CCDC134: variants seen among roughly 807,000 people sequenced by gnomAD.
CCDC134 encodes the protein coiled-coil domain containing 134, also known as coiled-coil domain-containing protein 134.
In CCDC134, 27 loss-of-function variants were observed where a neutral mutation model predicts 25.6. The ratio of observed to expected loss-of-function variants is 1.05; its 90% CI spans 0.78 to 1.45. CCDC134 has a LOEUF of 1.45. CCDC134 is among the 40% of genes most tolerant of loss of function. The probability of loss-of-function intolerance (pLI) is 0.00; values close to 1 mark genes in which losing one functional copy is unlikely to be tolerated. For missense variants in CCDC134, 261 were observed against 286.7 expected (o/e 0.91, Z 0.65); for synonymous variants, 110 against 115.0 (o/e 0.96, Z 0.28).
At chr22:41,810,368 C>T (rs1320390395) in intron 4 of CCDC134, 77 bp downstream of exon 4, 1 of 1,389,604 alleles carries the variant, frequency 7.2e-7, no homozygotes, top group African/African-American at 1.4e-5. Context: ...CTGTTCTTGT[C>T]ACTCTTTTTT....
chr22:41,819,376 G>A (rs1377787704), intron 6 of CCDC134, among the ~76,000 whole-genome samples: 2 of 152,180 alleles, frequency 1.3e-5, no homozygotes, highest in East Asian at 1.9e-4. Context: ...TCTCTGAGGC[G>A]AGCCTGACCC....
chr22:41,825,634 C>T lies in CCDC134; in HGVS notation c.565-64C>T, dbSNP rs2076673168. 1.2e-6 allele frequency: 2 copies of T among 1,601,266 alleles called. No homozygotes were observed. The highest frequency in any genetic ancestry group is 2.2e-5 in the East Asian group (1 of 44,684). On this transcript the variant is annotated intron_variant, in intron 6 of 6. Transcript: ENST00000255784. This position sits in a 1 kb window ranked among gnomAD's most constrained non-coding sequence, Gnocchi z 4.4. ...TCCTATTCCCACACCCCGCTGGTGG[C>T]CTAGCTCAGAGCAGGCTCTTTGCTG...
chr22:41,819,600 CAACTT>C (rs888194426), intron 6 of CCDC134, among the ~76,000 whole-genome samples: 1 of 152,004 alleles, frequency 6.6e-6, no homozygotes, highest in Non-Finnish European at 1.5e-5. Context: ...GACAGGCAGT[CAACTT>C]AAAAATATAT....
intron 1 of CCDC134, among the ~76,000 whole-genome samples, chr22:41,806,214 A>ATTTTTTT (rs60425249): frequency 5.0e-5 from 6 of 121,002 alleles, no homozygotes; most frequent in East Asian, 5.1e-4. Flanking sequence ...TAGGCGACTA[A>ATTTTTTT]TTTTTTTTTT....
Position 41,830,315 on chromosome 22 carries a change from C to T in CCDC134, c.*4492C>T, listed in dbSNP as rs73163368. Among the ~76,000 whole-genome samples the T allele has an allele frequency of 9.6e-3, 1,464 of 152,330 alleles. 33 individuals are homozygous for T. The highest frequency in any genetic ancestry group is 0.055 in the Admixed American group (835 of 15,294). On this transcript the variant is annotated 3_prime_UTR_variant, in exon 7 of 7. Transcript: ENST00000255784. ...AGTTGTACCCCTTCAGTCCACTTGGCGAGGCATCACGCCCTCTGGGCAGGC... is the reference window on the plus strand; with the variant it reads ...AGTTGTACCCCTTCAGTCCACTTGGTGAGGCATCACGCCCTCTGGGCAGGC...
chr22:41,803,956 C>A (rs2076555902), intron 1 of CCDC134, among the ~76,000 whole-genome samples: 1 of 151,690 alleles, frequency 6.6e-6, no homozygotes, highest in Non-Finnish European at 1.5e-5. Flanking sequence ...ATGGTGAAAC[C>A]CCGTCTCTAC....
intron 1 of CCDC134, among the ~76,000 whole-genome samples, chr22:41,808,034 C>T (rs948902675): frequency 1.3e-5 from 2 of 151,816 alleles, no homozygotes; most frequent in Non-Finnish European, 2.9e-5. Flanking sequence ...GTGGCGCATG[C>T]GTGTAATCCC....
Position 41,812,211 on chromosome 22 carries a change from C to A in CCDC134, c.311-1053C>A, listed in dbSNP as rs1017733043. On this transcript the variant is annotated intron_variant, in intron 4 of 6. Coordinates refer to ENST00000255784, the MANE Select transcript of CCDC134 (RefSeq NM_024821.5). ...CCGAGGCAGGCGGATTACTTGAGTTCGAGTTTGAGACCAGCCTGGCCAAAC... is the reference window on the plus strand; with the variant it reads ...CCGAGGCAGGCGGATTACTTGAGTTAGAGTTTGAGACCAGCCTGGCCAAAC... 2.6e-5 allele frequency among the ~76,000 whole-genome samples: 4 copies of A among 152,006 alleles called. 1 individual carries two copies. The highest frequency in any genetic ancestry group is 2.6e-4 in the Admixed American group (4 of 15,252).
chr22:41,812,422 CA>C (rs36098937), intron 4 of CCDC134, among the ~76,000 whole-genome samples: 26,185 of 77,144 alleles, frequency 0.34, 1,417 homozygotes, highest in East Asian at 0.59. Flanking sequence ...ACTCCGTCTC[CA>C]AAAAAAAAAA....
At chr22:41,817,368 A>C (rs1213191172) in intron 6 of CCDC134, among the ~76,000 whole-genome samples, 3 of 152,196 alleles carry the variant, frequency 2.0e-5, no homozygotes, top group East Asian at 3.8e-4. Flanking sequence ...ATGGGCATCT[A>C]AACGAGTGAG....
rs2076583867 is a variant in CCDC134 at position 41,809,490 on chromosome 22, T to C, written c.104-389T>C. 2.0e-5 allele frequency among the ~76,000 whole-genome samples: 3 copies of C among 152,272 alleles called. No homozygotes were observed. In the South Asian group the frequency reaches 6.2e-4, roughly 32 times the overall value. ...AGGGAGAAACACTGTGTGATGGTTT[T>C]TGAGCCAGGCCTTGAAAGGAAAGAA... On this transcript the variant is annotated intron_variant, in intron 2 of 6. Coordinates refer to ENST00000255784, the MANE Select transcript of CCDC134 (RefSeq NM_024821.5).
At chr22:41,823,049 GCTAC>G in intron 6 of CCDC134, among the ~76,000 whole-genome samples, 1 of 152,270 alleles carries the variant, frequency 6.6e-6, no homozygotes, top group Middle Eastern at 3.4e-3. Flanking sequence ...TTACAGCACA[GCTAC>G]CTGAGTTGTA....
At chr22:41,815,457 G>A (rs1394393876) in intron 6 of CCDC134, among the ~76,000 whole-genome samples, 1 of 151,774 alleles carries the variant, frequency 6.6e-6, no homozygotes, top group Non-Finnish European at 1.5e-5. Context: ...CACCCGCCTC[G>A]GCCTCCCAAA....
At position 41,830,464 on chromosome 22, in the gene CCDC134, A is replaced by G. The variant is rs573182279; in HGVS notation, c.*4641A>G. 1.2e-4 allele frequency among the ~76,000 whole-genome samples: 19 copies of G among 152,158 alleles called. No individual in the cohort carries two copies. The South Asian group carries it at 1.4e-3, about 12-fold the overall frequency. Reference sequence around the variant, plus strand: ...ATGGGAGTTGTTGCTGAATCCCCCCAGAGTACCAGTCACACACCAGTGTGA... The same window carrying G: ...ATGGGAGTTGTTGCTGAATCCCCCCGGAGTACCAGTCACACACCAGTGTGA... On this transcript the variant is annotated 3_prime_UTR_variant, in exon 7 of 7. Coordinates refer to ENST00000255784, the MANE Select transcript of CCDC134 (RefSeq NM_024821.5).
intron 6 of CCDC134, among the ~76,000 whole-genome samples, chr22:41,819,429 C>T (rs1380374723): frequency 6.6e-6 from 1 of 152,178 alleles, no homozygotes; most frequent in African/African-American, 2.4e-5. Context: ...CTGGGTGGAC[C>T]AGCTGAGGCA....
At chr22:41,812,489 T>C (rs2076601824) in intron 4 of CCDC134, among the ~76,000 whole-genome samples, 2 of 150,618 alleles carry the variant, frequency 1.3e-5, no homozygotes, top group Admixed American at 6.6e-5. Context: ...TTTTATGTTA[T>C]GTTATGTTAA....
chr22:41,820,091 GTTC>G (rs2076643601), intron 6 of CCDC134, among the ~76,000 whole-genome samples: 1 of 147,260 alleles, frequency 6.8e-6, no homozygotes, highest in South Asian at 2.1e-4. Context: ...TGCCTCCCAG[GTTC>G]ACGCCATTCT....
chr22:41,801,798 ACT>A (rs2076544894), intron 1 of CCDC134, among the ~76,000 whole-genome samples: 1 of 152,124 alleles, frequency 6.6e-6, no homozygotes, highest in Non-Finnish European at 1.5e-5. Flanking sequence ...AGAGTGAGAG[ACT>A]CTAAAAAAAT....
At chr22:41,804,727 T>C (rs1452371738) in intron 1 of CCDC134, among the ~76,000 whole-genome samples, 4 of 152,186 alleles carry the variant, frequency 2.6e-5, no homozygotes, top group African/African-American at 9.6e-5. Context: ...AAGTATGATA[T>C]TCTAGTTAAA....
Sources: allele counts gnomAD v4.1 joint callset (sites outside exome capture counted in the v4.1 genomes callset), GRCh38; gene constraint gnomAD v4.1.1; non-coding constraint Gnocchi (gnomAD v3.1); transcripts MANE v1.5; gene names NCBI Gene and HGNC (gene_info 2026-07-23, HGNC 2026-07-21).